The following DDR2 variants were observed in gnomAD, a reference collection of about 807,000 sequenced individuals.
DDR2 encodes the protein discoidin domain receptor tyrosine kinase 2, also known as discoidin domain-containing receptor 2.
Under a neutral mutation model 94.9 loss-of-function variants are expected in DDR2, and 27 were observed. That is an observed-to-expected ratio of 0.28 (90% CI 0.21 to 0.39). DDR2 has a LOEUF of 0.39. Ranked by LOEUF, DDR2 falls within the 10% of genes least tolerant of loss-of-function variation. The probability of loss-of-function intolerance (pLI) is 1.00; values close to 1 mark genes in which losing one functional copy is unlikely to be tolerated. For missense variants in DDR2, 783 were observed against 1,076.0 expected (o/e 0.73, Z 3.81); for synonymous variants, 382 against 377.2 (o/e 1.01, Z -0.15).
intron 2 of DDR2, among the ~76,000 whole-genome samples, chr1:162,710,948 G>C (rs1250162315): frequency 1.3e-5 from 2 of 152,162 alleles, no homozygotes; most frequent in Admixed American, 6.5e-5. Context: ...TGATTTTCCT[G>C]GAGGGCCAGC....
chr1:162,719,837 C>G (rs552356000), intron 3 of DDR2, among the ~76,000 whole-genome samples: 1 of 152,136 alleles, frequency 6.6e-6, no homozygotes, highest in South Asian at 2.1e-4. Flanking sequence ...TGTTGATTTA[C>G]TCAAGCATAA....
chr1:162,686,188 G>T (rs906364495), intron 2 of DDR2, among the ~76,000 whole-genome samples: 1 of 144,436 alleles, frequency 6.9e-6, no homozygotes, highest in Admixed American at 7.0e-5. Context: ...ACCATGCCCA[G>T]CTAATTTTTG....
At chr1:162,741,532 A>C in intron 3 of DDR2, 1 of 951,088 alleles carries the variant, frequency 1.1e-6, no homozygotes, top group Non-Finnish European at 1.3e-6. Flanking sequence ...AAGCAAAGAT[A>C]AGCCATGGGA....
chr1:162,776,044 AC>A, intron 15 of DDR2, 91 bp from the exon 16 acceptor site: 6 of 1,359,582 alleles, frequency 4.4e-6, no homozygotes, highest in Non-Finnish European at 6.3e-6. Flanking sequence ...TGAGCTTTCA[AC>A]CCTAGTTTGT....
intron 11 of DDR2, among the ~76,000 whole-genome samples, chr1:162,769,756 C>T (rs1359522558): frequency 4.6e-5 from 7 of 152,306 alleles, no homozygotes; most frequent in Admixed American, 2.0e-4. Context: ...TCTGGACACC[C>T]AGGGCTTTCC....
intron 1 of DDR2, among the ~76,000 whole-genome samples, chr1:162,637,317 C>T (rs975019014): frequency 6.6e-6 from 1 of 151,968 alleles, no homozygotes; most frequent in Non-Finnish European, 1.5e-5. Flanking sequence ...AAAAATAATA[C>T]AGAAATAGTT....
At chr1:162,724,394 C>T (rs1045234320) in intron 3 of DDR2, among the ~76,000 whole-genome samples, 5 of 152,126 alleles carry the variant, frequency 3.3e-5, no homozygotes, top group African/African-American at 9.7e-5. Flanking sequence ...TGGAGTCAGA[C>T]GAATAGGATA....
At chr1:162,746,687 C>A (rs1662885201) in intron 3 of DDR2, among the ~76,000 whole-genome samples, 1 of 152,352 alleles carries the variant, frequency 6.6e-6, no homozygotes, top group Admixed American at 6.5e-5. Context: ...GGGTCCCTGA[C>A]CCCCGAGTAG....
In DDR2 at chr1:162,718,119, C is replaced by A. The variant is rs184516909; in HGVS notation, c.-27-918C>A. Among the ~76,000 whole-genome samples, 220 of 152,260 alleles carry A rather than the reference C, an allele frequency of 1.4e-3. 1 individual carries two copies. Among genetic ancestry groups the A allele is most frequent in the African/African-American group, 5.1e-3 (210 of 41,542 alleles). On this transcript the variant is annotated intron_variant, in intron 2 of 17. Transcript: ENST00000367921. Reference sequence around the variant, plus strand: ...TTATTTTATTCTTTGGTTTATAATTCAATACTGCTGTTTTTGAGGGGAGGA... The same window carrying A: ...TTATTTTATTCTTTGGTTTATAATTAAATACTGCTGTTTTTGAGGGGAGGA...
At position 162,764,596 on chromosome 1, in the gene DDR2, G is replaced by A. The variant is rs1187599253; in HGVS notation, c.1100-1405G>A. 2.0e-5 allele frequency among the ~76,000 whole-genome samples: 3 copies of A among 152,126 alleles called. No individual in the cohort carries two copies. The South Asian group carries it at 6.2e-4, about 32-fold the overall frequency. On this transcript the variant is annotated intron_variant, in intron 9 of 17. Transcript: ENST00000367921. ...ATAAACCACACTTTGGGAGGCCAAGGCAGGAGGATTGCTTGTATTCAAGAG... is the reference window on the plus strand; with the variant it reads ...ATAAACCACACTTTGGGAGGCCAAGACAGGAGGATTGCTTGTATTCAAGAG...
rs555293879 is a variant in DDR2 at position 162,781,296 on chromosome 1, G to A, written c.*1050G>A. On this transcript the variant is annotated 3_prime_UTR_variant, in exon 18 of 18. Transcript: ENST00000367921. ...ATTTCTCAGGCATAAATACCTAATG[G>A]CCTTGTCTAAGAGGGAATAGATCTG... The A allele has an allele frequency of 6.6e-6, 1 of 152,316 alleles. No homozygotes were observed. Among genetic ancestry groups the A allele is most frequent in the East Asian group, 1.9e-4 (1 of 5,176 alleles). The allele number at this position is 152,316 out of a possible 1,614,324, so 9.4% of individuals were successfully genotyped here. A position where few individuals can be genotyped will look rare whatever the true frequency, so the allele number is the denominator to read the frequency against.
In DDR2 at chr1:162,759,782, C is replaced by G. The variant is rs1663626645; in HGVS notation, c.672-14C>G. On this transcript the variant is annotated splice_polypyrimidine_tract_variant and intron_variant, in intron 7 of 17. Coordinates refer to ENST00000367921, the MANE Select transcript of DDR2 (RefSeq NM_006182.4). ...TTCTCTCTCCTTTTCCTCCTCTTCTCCTGGCCTGAGCAGCATGACAGAAGG... is the reference window on the plus strand; with the variant it reads ...TTCTCTCTCCTTTTCCTCCTCTTCTGCTGGCCTGAGCAGCATGACAGAAGG... The G allele has an allele frequency of 1.9e-6, 3 of 1,613,600 alleles. No individual in the cohort carries two copies. Among genetic ancestry groups the G allele is most frequent in the Non-Finnish European group, 2.5e-6 (3 of 1,179,990 alleles).
chr1:162,644,083 C>T (rs1657290561), intron 1 of DDR2, among the ~76,000 whole-genome samples: 1 of 152,138 alleles, frequency 6.6e-6, no homozygotes, highest in Admixed American at 6.5e-5. Context: ...AGGGACACCT[C>T]CAGTTCCTTT....
chr1:162,635,678 T>C (rs943382782), intron 1 of DDR2, among the ~76,000 whole-genome samples: 5 of 152,180 alleles, frequency 3.3e-5, no homozygotes, highest in Admixed American at 2.6e-4. Context: ...TCCCAGGGCT[T>C]CTCTGAATGC....
chr1:162,689,013 G>A lies in DDR2; in HGVS notation c.-27-30024G>A, dbSNP rs528510041. Among the ~76,000 whole-genome samples the A allele has an allele frequency of 7.2e-5, 11 of 152,310 alleles. 1 individual carries two copies. The South Asian group carries it at 2.3e-3, about 32-fold the overall frequency. ...GGAAAATTGTGCACACTTTTGTTGT[G>A]TGACTTAGGTTCTTTAACTCAGGCT... On this transcript the variant is annotated intron_variant, in intron 2 of 17. Transcript: ENST00000367921.
chr1:162,661,498 T>G (rs1472298591), intron 2 of DDR2, among the ~76,000 whole-genome samples: 1 of 151,958 alleles, frequency 6.6e-6, no homozygotes, highest in African/African-American at 2.4e-5. Flanking sequence ...TGTCTCTTAT[T>G]TGGGTTTTTG....
At chr1:162,735,830 T>C (rs1473203689) in intron 3 of DDR2, among the ~76,000 whole-genome samples, 1 of 152,238 alleles carries the variant, frequency 6.6e-6, no homozygotes, top group African/African-American at 2.4e-5. Context: ...TTAGTTGCCA[T>C]TCTCAGAATG....
chr1:162,767,279 T>C lies in DDR2; in HGVS notation c.1213T>C (p.Leu405=), dbSNP rs138379623. ...DSNTRILIGC[L]VAIIFILLAI... ...CAACACTCGGATCCTGATTGGCTGC[T>C]TGGTGGCCATCATCTTTATCCTCCT... is the stretch of plus-strand genomic sequence containing the variant. The change falls in exon 11 of 18, where the codon TTG becomes CTG. Residue 405 remains leucine (L), a synonymous_variant. Coordinates refer to ENST00000367921, the MANE Select transcript of DDR2 (RefSeq NM_006182.4). 1.2e-5 allele frequency: 20 copies of C among 1,614,034 alleles called. No homozygotes were observed. In the African/African-American group the frequency reaches 2.1e-4, roughly 17 times the overall value.
chr1:162,692,921 C>G (rs190669052), intron 2 of DDR2, among the ~76,000 whole-genome samples: 1 of 152,042 alleles, frequency 6.6e-6, no homozygotes, highest in Admixed American at 6.6e-5. Context: ...TTGGAAATAC[C>G]CAGACATTCA....
Sources: allele counts gnomAD v4.1 joint callset (sites outside exome capture counted in the v4.1 genomes callset), GRCh38; gene constraint gnomAD v4.1.1; transcripts MANE v1.5; gene names NCBI Gene and HGNC (gene_info 2026-07-23, HGNC 2026-07-21).